CLSTN2: variants seen among roughly 807,000 people sequenced by gnomAD.
CLSTN2 encodes the protein calsyntenin-2.
A neutral mutation model predicts 101.2 loss-of-function variants in CLSTN2; 48 were observed. The observed-to-expected ratio is 0.47, with a 90% CI of 0.38 to 0.60. The LOEUF is 0.60. Among genes scored for constraint, CLSTN2 ranks in the 20% least tolerant of loss-of-function variants. The pLI, the probability that CLSTN2 is intolerant of heterozygous loss-of-function variation, is 0.00. For missense variants in CLSTN2, 1,160 were observed against 1,238.2 expected, an observed-to-expected ratio of 0.94 and a Z score of 0.95; for synonymous variants, 481 against 463.6, an observed-to-expected ratio of 1.04 and a Z score of -0.48.
intron 1 of CLSTN2, among the ~76,000 whole-genome samples, chr3:140,015,439 G>A (rs531979044): frequency 1.3e-5 from 2 of 152,330 alleles, no homozygotes; most frequent in African/African-American, 4.8e-5. Flanking sequence ...GCTTGGATGA[G>A]GGTCACAGGA....
At chr3:140,138,287 G>T (rs150999243) in intron 1 of CLSTN2, among the ~76,000 whole-genome samples, 1 of 152,134 alleles carries the variant, frequency 6.6e-6, no homozygotes, top group Non-Finnish European at 1.5e-5. Flanking sequence ...AAAAAGGGGG[G>T]GAAGAACAAC....
At chr3:140,555,630 C>T (rs974141410) in intron 10 of CLSTN2, among the ~76,000 whole-genome samples, 5 of 152,146 alleles carry the variant, frequency 3.3e-5, no homozygotes, top group East Asian at 1.9e-4. Context: ...CATGAGCATT[C>T]GATATATACT....
At chr3:140,262,885 TC>T (rs1315265758) in intron 2 of CLSTN2, among the ~76,000 whole-genome samples, 1 of 152,056 alleles carries the variant, frequency 6.6e-6, no homozygotes, top group Non-Finnish European at 1.5e-5. Context: ...GGACCGGACC[TC>T]TTCAGAGAAA....
chr3:140,338,405 C>G (rs115907990), intron 2 of CLSTN2, among the ~76,000 whole-genome samples: 1 of 152,172 alleles, frequency 6.6e-6, no homozygotes. Flanking sequence ...TTCTGTAAGT[C>G]GACCCTGCTT....
chr3:140,375,475 A>T (rs1413613242), intron 2 of CLSTN2, among the ~76,000 whole-genome samples: 2 of 152,152 alleles, frequency 1.3e-5, no homozygotes, highest in African/African-American at 4.8e-5. Context: ...ATGCCTCATG[A>T]CCAAATGAGC....
intron 1 of CLSTN2, among the ~76,000 whole-genome samples, chr3:140,156,356 A>G (rs1185200157): frequency 1.3e-5 from 2 of 152,200 alleles, no homozygotes; most frequent in Non-Finnish European, 2.9e-5. Flanking sequence ...CTTCTTTTCC[A>G]TTTTATTGCT....
At chr3:140,361,506 T>C (rs954281197) in intron 2 of CLSTN2, among the ~76,000 whole-genome samples, 3 of 152,050 alleles carry the variant, frequency 2.0e-5, no homozygotes, top group Non-Finnish European at 4.4e-5. Context: ...CAAAAAGATA[T>C]TAAAGACATT....
At chr3:140,158,873 C>T (rs574387900) in intron 1 of CLSTN2, among the ~76,000 whole-genome samples, 165 of 152,168 alleles carry the variant, frequency 1.1e-3, no homozygotes, top group Non-Finnish European at 2.2e-3. Flanking sequence ...GATATAAAGC[C>T]GCACAGGTAC....
At chr3:140,282,096 T>C (rs1463725198) in intron 2 of CLSTN2, among the ~76,000 whole-genome samples, 1 of 152,154 alleles carries the variant, frequency 6.6e-6, no homozygotes, top group African/African-American at 2.4e-5. Context: ...TTACATGATG[T>C]TCTGTTTACA....
At chr3:140,146,880 T>C (rs1164902049) in intron 1 of CLSTN2, among the ~76,000 whole-genome samples, 1 of 152,248 alleles carries the variant, frequency 6.6e-6, no homozygotes, top group Non-Finnish European at 1.5e-5. Flanking sequence ...CAGGATAAGT[T>C]TCCAGTCATC....
At chr3:140,362,107 A>G (rs1315427262) in intron 2 of CLSTN2, among the ~76,000 whole-genome samples, 1 of 152,196 alleles carries the variant, frequency 6.6e-6, no homozygotes, top group Non-Finnish European at 1.5e-5. Flanking sequence ...AGGTACTGGT[A>G]TAAAACAGGA....
At chr3:140,171,831 A>AATATATTAT (rs2010238240) in intron 1 of CLSTN2, among the ~76,000 whole-genome samples, 2 of 74,608 alleles carry the variant, frequency 2.7e-5, no homozygotes, top group African/African-American at 4.9e-5. Context: ...TATATATAAT[A>AATATATTAT]ACAATATATA....
intron 1 of CLSTN2, among the ~76,000 whole-genome samples, chr3:140,168,464 A>AT (rs1346149482): frequency 6.6e-6 from 1 of 151,940 alleles, no homozygotes; most frequent in African/African-American, 2.4e-5. Flanking sequence ...GTGGCTTACA[A>AT]TTTTTTTAGA....
chr3:140,294,027 AT>A (rs1426536205), intron 2 of CLSTN2, among the ~76,000 whole-genome samples: 6 of 152,156 alleles, frequency 3.9e-5, no homozygotes, highest in African/African-American at 1.4e-4. Flanking sequence ...CTGGGCCTCC[AT>A]TTACTCATCT....
At chr3:140,542,920 C>A (rs1935513563) in intron 9 of CLSTN2, among the ~76,000 whole-genome samples, 2 of 152,176 alleles carry the variant, frequency 1.3e-5, no homozygotes, top group South Asian at 2.1e-4. Flanking sequence ...CTCAGCTGGT[C>A]CTGTGCATGG....
intron 1 of CLSTN2, among the ~76,000 whole-genome samples, chr3:140,058,425 G>A (rs2008137924): frequency 6.6e-6 from 1 of 152,172 alleles, no homozygotes; most frequent in Admixed American, 6.5e-5. Flanking sequence ...TTGAAAGGGA[G>A]GTGGACAGAT....
intron 1 of CLSTN2, among the ~76,000 whole-genome samples, chr3:140,099,690 C>T (rs1432735327): frequency 6.6e-6 from 1 of 152,122 alleles, no homozygotes; most frequent in Non-Finnish European, 1.5e-5. Context: ...GAGTGAGAAG[C>T]TATATTTATA....
chr3:140,128,083 G>A (rs151021035), intron 1 of CLSTN2, among the ~76,000 whole-genome samples: 52 of 152,296 alleles, frequency 3.4e-4, no homozygotes, highest in African/African-American at 1.2e-3. Context: ...TTTAGGAACT[G>A]CCTGAAAATT....
At chr3:140,150,930 A>G (rs1448452749) in intron 1 of CLSTN2, among the ~76,000 whole-genome samples, 1 of 152,120 alleles carries the variant, frequency 6.6e-6, no homozygotes, top group Non-Finnish European at 1.5e-5. Context: ...AGCAACAGGA[A>G]AGTCAAAATT....
Sources: gnomAD v4.1 joint callset for allele counts (sites outside exome capture counted in the v4.1 genomes callset) on GRCh38, gnomAD v4.1.1 for gene constraint, MANE v1.5 for transcripts, NCBI Gene and HGNC (gene_info 2026-07-23, HGNC 2026-07-21) for gene names.